COL10A1: variants seen among roughly 807,000 people sequenced by gnomAD.
COL10A1 encodes the protein collagen alpha-1(X) chain.
In COL10A1, 10 loss-of-function variants were observed where a neutral mutation model predicts 18.2. The observed-to-expected ratio is 0.55, with a 90% CI of 0.34 to 0.93. The LOEUF is 0.93. Among genes scored for constraint, COL10A1 ranks in the 40% least tolerant of loss-of-function variants. The probability of loss-of-function intolerance (pLI) is 0.02; values close to 1 mark genes in which losing one functional copy is unlikely to be tolerated. For missense variants in COL10A1, 897 were observed against 853.5 expected, an observed-to-expected ratio of 1.05 and a Z score of -0.64; for synonymous variants, 330 against 316.6, an observed-to-expected ratio of 1.04 and a Z score of -0.45.
intron 1 of COL10A1, among the ~76,000 whole-genome samples, chr6:116,150,168 G>A (rs1404984811): frequency 2.0e-5 from 3 of 152,192 alleles, no homozygotes; most frequent in Non-Finnish European, 4.4e-5. Flanking sequence ...ACAGAAGAGT[G>A]ACCAATTAGA....
the COL10A1 span, among the ~76,000 whole-genome samples, chr6:116,213,558 A>G: frequency 6.6e-6 from 1 of 152,110 alleles, no homozygotes; most frequent in South Asian, 2.1e-4. Flanking sequence ...ATTAACTCCA[A>G]CTCTAGACAT....
the COL10A1 span, among the ~76,000 whole-genome samples, chr6:116,206,975 T>C: frequency 6.6e-6 from 1 of 151,954 alleles, no homozygotes; most frequent in African/African-American, 2.4e-5. Context: ...GAATTTAAAG[T>C]TCTCTGGATT....
chr6:116,214,335 A>C, the COL10A1 span, among the ~76,000 whole-genome samples: 304 of 152,302 alleles, frequency 2.0e-3, 1 homozygote, highest in Admixed American at 3.0e-3. Flanking sequence ...ATTTTACTTA[A>C]AAAGATTTTT....
the COL10A1 span, among the ~76,000 whole-genome samples, chr6:116,181,538 A>T: frequency 6.6e-6 from 1 of 152,108 alleles, no homozygotes; most frequent in Non-Finnish European, 1.5e-5. Context: ...CCAAAGCTTC[A>T]CACTCTTGGC....
upstream of COL10A1, among the ~76,000 whole-genome samples, chr6:116,130,966 A>G (rs1261257568): frequency 6.6e-6 from 1 of 152,210 alleles, no homozygotes; most frequent in Non-Finnish European, 1.5e-5. Context: ...GTCACATGAC[A>G]CAGTTGATTC....
chr6:116,157,137 C>T (rs1257751851), intron 1 of COL10A1, among the ~76,000 whole-genome samples: 1 of 152,118 alleles, frequency 6.6e-6, no homozygotes, highest in Non-Finnish European at 1.5e-5. Flanking sequence ...GAAAACAAAG[C>T]AAAACTAACC....
intron 1 of COL10A1, among the ~76,000 whole-genome samples, chr6:116,139,170 G>A (rs1270084829): frequency 1.3e-5 from 2 of 152,098 alleles, no homozygotes; most frequent in African/African-American, 4.8e-5. Flanking sequence ...AATATTGGGG[G>A]AAAATGTTAA....
chr6:116,187,527 G>A, the COL10A1 span, among the ~76,000 whole-genome samples: 1 of 152,060 alleles, frequency 6.6e-6, no homozygotes, highest in Non-Finnish European at 1.5e-5. Context: ...CTGACAACTA[G>A]AAGATCACTG....
At chr6:116,206,848 A>G in the COL10A1 span, among the ~76,000 whole-genome samples, 2 of 151,984 alleles carry the variant, frequency 1.3e-5, no homozygotes, top group Non-Finnish European at 2.9e-5. Context: ...TCTTCATTGA[A>G]TACACATAGG....
chr6:116,187,701 A>C, the COL10A1 span, among the ~76,000 whole-genome samples: 7 of 152,196 alleles, frequency 4.6e-5, no homozygotes, highest in South Asian at 1.2e-3. Flanking sequence ...TATTAGACAA[A>C]AATCAATTTC....
chr6:116,136,850 A>G (rs1011039531), intron 1 of COL10A1, among the ~76,000 whole-genome samples: 4 of 152,220 alleles, frequency 2.6e-5, no homozygotes, highest in African/African-American at 9.6e-5. Context: ...TTAGTCACAA[A>G]TGCAAAAATC....
chr6:116,207,415 A>C, the COL10A1 span, among the ~76,000 whole-genome samples: 1 of 152,090 alleles, frequency 6.6e-6, no homozygotes, highest in South Asian at 2.1e-4. Context: ...TGATAGATAC[A>C]TATGTCCATA....
intron 1 of COL10A1, among the ~76,000 whole-genome samples, chr6:116,153,777 T>C (rs1158180617): frequency 6.6e-6 from 1 of 152,164 alleles, no homozygotes; most frequent in African/African-American, 2.4e-5. Flanking sequence ...TGCAATGATA[T>C]GAATAGTCTT....
At chr6:116,181,671 G>A in the COL10A1 span, among the ~76,000 whole-genome samples, 1 of 151,882 alleles carries the variant, frequency 6.6e-6, no homozygotes, top group Non-Finnish European at 1.5e-5. Flanking sequence ...CTTACAAAAT[G>A]CAAGTACCTA....
In COL10A1 at chr6:116,152,616, C is replaced by G. The variant is rs189855201; in HGVS notation, c.-16+5998G>C. Among the ~76,000 whole-genome samples, 76 of 152,234 alleles carry G rather than the reference C, an allele frequency of 5.0e-4. 1 individual carries two copies. In the East Asian group the frequency reaches 0.014, roughly 28 times the overall value. ...TTTCTTTACCAGGTCTTTATTTAAC[C>G]CCTTAACATAATGAAGACTTTGAAT... On this transcript the variant is annotated intron_variant, in intron 1 of 1. Coordinates refer to the COL10A1 transcript ENST00000418500.
intron 1 of COL10A1, among the ~76,000 whole-genome samples, chr6:116,143,875 G>C (rs185760975): frequency 6.6e-6 from 1 of 152,194 alleles, no homozygotes; most frequent in African/African-American, 2.4e-5. Flanking sequence ...TGGTTGTGTT[G>C]TGTTTTCTCT....
the COL10A1 span, among the ~76,000 whole-genome samples, chr6:116,208,880 A>G: frequency 6.6e-6 from 1 of 152,012 alleles, no homozygotes. Context: ...CATAGAATAT[A>G]CTAATAGAGA....
chr6:116,125,294 C>T, intron 2 of COL10A1, 45 bp downstream of exon 2: 1 of 1,592,432 alleles, frequency 6.3e-7, no homozygotes, highest in Non-Finnish European at 8.6e-7. Context: ...TTATAGAAAG[C>T]AACAAGCAAC....
At chr6:116,162,998 G>A (rs776382944), upstream of COL10A1, among the ~76,000 whole-genome samples, 18 of 151,304 alleles carry the variant, frequency 1.2e-4, no homozygotes, top group Non-Finnish European at 2.1e-4. Flanking sequence ...GTGGCGGCAG[G>A]CACTTATAGT....
Sources: gnomAD v4.1 joint callset for allele counts (sites outside exome capture counted in the v4.1 genomes callset) on GRCh38, gnomAD v4.1.1 for gene constraint, MANE v1.5 for transcripts, NCBI Gene and HGNC (gene_info 2026-07-23, HGNC 2026-07-21) for gene names.